MIGA1: variants seen among roughly 807,000 people sequenced by gnomAD.
The protein encoded by MIGA1 is family with sequence similarity 73, member A.
In MIGA1, 58 loss-of-function variants were observed where a neutral mutation model predicts 82.0. The observed-to-expected ratio is 0.71, with a 90% CI of 0.57 to 0.88. MIGA1 has a LOEUF of 0.88. Among genes scored for constraint, MIGA1 ranks in the 40% least tolerant of loss-of-function variants. The pLI, the probability that MIGA1 is intolerant of heterozygous loss-of-function variation, is 0.00. For synonymous variants in MIGA1, 249 were observed against 253.6 expected, an observed-to-expected ratio of 0.98 and a Z score of 0.17; for missense variants, 751 against 749.1, an observed-to-expected ratio of 1.00 and a Z score of -0.03.
intron 7 of MIGA1, among the ~76,000 whole-genome samples, chr1:77,822,283 G>A (rs1225772650): frequency 1.3e-5 from 2 of 152,056 alleles, no homozygotes; most frequent in Admixed American, 6.6e-5. Context: ...CCATGGGGCC[G>A]GGCACAGTAA....
rs1307947863 is a variant in MIGA1, at chr1:77,875,460, G to A, written c.*396G>A. The A allele has an allele frequency of 5.9e-6, 1 of 168,326 alleles. No individual in the cohort carries two copies. The highest frequency in any genetic ancestry group is 2.4e-5 in the African/African-American group (1 of 41,618). 10.4% of individuals were successfully genotyped at this position (168,326 alleles called of 1,614,324 possible). On this transcript the variant is annotated 3_prime_UTR_variant, in exon 16 of 16. Coordinates refer to ENST00000370791, the MANE Select transcript of MIGA1 (RefSeq NM_198549.4). ...AGGTCTTTGTGGCCCACACATGCAA[G>A]AATATATTACTTCTAATGTCAATAT... is the stretch of plus-strand genomic sequence containing the variant.
intron 5 of MIGA1, among the ~76,000 whole-genome samples, chr1:77,807,493 C>T (rs1683145930): frequency 6.6e-6 from 1 of 152,092 alleles, no homozygotes; most frequent in African/African-American, 2.4e-5. Flanking sequence ...CTGAATTGTT[C>T]TAAGAGAAGC....
At chr1:77,855,432 A>G (rs1685213032) in intron 8 of MIGA1, among the ~76,000 whole-genome samples, 1 of 152,074 alleles carries the variant, frequency 6.6e-6, no homozygotes, top group Non-Finnish European at 1.5e-5. Context: ...GTGAAGAATG[A>G]TGGTGGTATT....
In MIGA1 at chr1:77,848,164, A is replaced by G. The variant is rs1684914814; in HGVS notation, c.996+4757A>G. The G allele has an allele frequency of 4.1e-5, 58 of 1,418,016 alleles. No individual in the cohort carries two copies. In the South Asian group the frequency reaches 4.9e-4, roughly 12 times the overall value. The allele number at this position is 1,418,016 out of a possible 1,614,324, so 87.8% of individuals were successfully genotyped here. A position where few individuals can be genotyped will look rare whatever the true frequency, so the allele number is the denominator to read the frequency against. ...GATTACCAGAAAGAAAGGGATTCTCATAGGCACAGGAGACCAGTCATAGAG... is the reference window on the plus strand; with the variant it reads ...GATTACCAGAAAGAAAGGGATTCTCGTAGGCACAGGAGACCAGTCATAGAG... On this transcript the variant is annotated intron_variant, in intron 8 of 15. Transcript: ENST00000370791.
intron 1 of MIGA1, among the ~76,000 whole-genome samples, chr1:77,780,776 G>GT (rs565297085): frequency 6.9e-5 from 10 of 145,288 alleles, no homozygotes; most frequent in South Asian, 2.2e-4. Context: ...CTAGTTTTTT[G>GT]TTTTTTTTTC....
At chr1:77,803,240 A>G in intron 3 of MIGA1, 30 bp from the exon 4 acceptor site, 1 of 1,334,362 alleles carries the variant, frequency 7.5e-7, no homozygotes, top group Non-Finnish European at 9.9e-7. Context: ...CGTTATTGAT[A>G]TTTTTAATAT....
chr1:77,810,668 A>G (rs1683289835), intron 5 of MIGA1, among the ~76,000 whole-genome samples: 1 of 152,186 alleles, frequency 6.6e-6, no homozygotes, highest in South Asian at 2.1e-4. Flanking sequence ...CCTGTATCCC[A>G]AGGAGTCCTA....
intron 7 of MIGA1, among the ~76,000 whole-genome samples, chr1:77,841,568 A>G (rs1008823506): frequency 1.1e-4 from 16 of 151,094 alleles, no homozygotes; most frequent in African/African-American, 3.7e-4. Context: ...GATGCTTTGA[A>G]TAAAAAAAAA....
At chr1:77,853,025 T>G (rs1177488936) in intron 8 of MIGA1, among the ~76,000 whole-genome samples, 2 of 152,174 alleles carry the variant, frequency 1.3e-5, no homozygotes, top group Admixed American at 6.5e-5. Context: ...TATGAGCTTT[T>G]GTAAGGGTTA....
chr1:77,843,827 A>G (rs933714714), intron 8 of MIGA1, among the ~76,000 whole-genome samples: 27 of 152,156 alleles, frequency 1.8e-4, no homozygotes, highest in South Asian at 6.2e-4. Flanking sequence ...GGCCAGGTGC[A>G]GTGGCTTACA....
intron 5 of MIGA1, among the ~76,000 whole-genome samples, chr1:77,807,777 C>A (rs1302578210): frequency 3.9e-5 from 6 of 152,054 alleles, no homozygotes; most frequent in Non-Finnish European, 8.8e-5. Flanking sequence ...CCTTTGTCTT[C>A]GTGTCACATT....
Position 77,861,236 on chromosome 1 carries a change from T to G in MIGA1, c.1288T>G (p.Phe430Val). 1.2e-6 allele frequency: 2 copies of G among 1,609,270 alleles called. No homozygotes were observed. Among genetic ancestry groups the G allele is most frequent in the South Asian group, 1.1e-5 (1 of 90,664 alleles). ...TTTTCTTCTTCAGAATCCAAAGAAGTTTGAAGATGTTTTTGATGAAATGAT... is the reference window on the plus strand; with the variant it reads ...TTTTCTTCTTCAGAATCCAAAGAAGGTTGAAGATGTTTTTGATGAAATGAT... Residue 430 changes from phenylalanine to valine, a missense_variant, in exon 12 of 16, where the codon TTT becomes GTT. Transcript: ENST00000370791.
At chr1:77,807,201 A>T (rs1683134380) in intron 5 of MIGA1, 100 bp downstream of exon 5, 2 of 950,226 alleles carry the variant, frequency 2.1e-6, no homozygotes, top group Non-Finnish European at 3.1e-6. Context: ...TCACTCTGTC[A>T]CCCAGGCTGG....
chr1:77,791,899 T>C (rs939395599), intron 2 of MIGA1, among the ~76,000 whole-genome samples: 1 of 152,164 alleles, frequency 6.6e-6, no homozygotes, highest in African/African-American at 2.4e-5. Flanking sequence ...CAAAATTAAT[T>C]ATTGGCTGTA....
At chr1:77,864,569 G>A (rs867528696) in intron 13 of MIGA1, among the ~76,000 whole-genome samples, 2 of 152,104 alleles carry the variant, frequency 1.3e-5, no homozygotes, top group Non-Finnish European at 2.9e-5. Flanking sequence ...CCAGCTACTC[G>A]GGAGGCTGAG....
chr1:77,844,113 A>AAATATATATATAT (rs1296124524), intron 8 of MIGA1, among the ~76,000 whole-genome samples: 10 of 90,130 alleles, frequency 1.1e-4, no homozygotes, highest in African/African-American at 4.1e-4. Context: ...AAAAAAAAAA[A>AAATATATATATAT]ATATATATAT....
rs567398484 is a variant in MIGA1, at chr1:77,826,292, A to T, written c.895+11061A>T. ...AACTTATTTTTTGGTAAAGTAAAAA[A>T]AGGTGCTTTTTATAAATCTACCTTT... On this transcript the variant is annotated intron_variant, in intron 7 of 15. Coordinates refer to ENST00000370791, the MANE Select transcript of MIGA1 (RefSeq NM_198549.4). Among the ~76,000 whole-genome samples the T allele has an allele frequency of 2.6e-5, 4 of 152,338 alleles. No homozygotes were observed. The East Asian group carries it at 7.7e-4, about 29-fold the overall frequency.
chr1:77,815,197 G>A lies in MIGA1; in HGVS notation c.861G>A (p.Gly287=). ...AAGAGGAGTTTGAAGCTACCCTTGG[G>A]GCATCTGATCCTAATTCCCTTGCTG... The change falls in exon 7 of 16, where the codon GGG becomes GGA. Residue 287 remains glycine, a synonymous_variant. Transcript: ENST00000370791. 1.2e-6 allele frequency: 2 copies of A among 1,607,614 alleles called. No individual in the cohort carries two copies. The highest frequency in any genetic ancestry group is 1.7e-6 in the Non-Finnish European group (2 of 1,176,434).
At chr1:77,833,643 C>G (rs1314873145) in intron 7 of MIGA1, among the ~76,000 whole-genome samples, 2 of 152,194 alleles carry the variant, frequency 1.3e-5, no homozygotes, top group Non-Finnish European at 2.9e-5. Context: ...CACTTTCCTT[C>G]AGGAAGATGC....
Sources: allele counts gnomAD v4.1 joint callset (sites outside exome capture counted in the v4.1 genomes callset), GRCh38; gene constraint gnomAD v4.1.1; transcripts MANE v1.5; gene names NCBI Gene and HGNC (gene_info 2026-07-23, HGNC 2026-07-21).